OSBPL9: variants seen among roughly 807,000 people sequenced by gnomAD.
OSBPL9 encodes the protein oxysterol binding protein like 9.
OSBPL9 carries 40 observed loss-of-function variants against 106.6 expected under a neutral mutation model. The observed-to-expected ratio is 0.38, with a 90% CI of 0.29 to 0.49. The LOEUF is 0.49. Among genes scored for constraint, OSBPL9 ranks in the 20% least tolerant of loss-of-function variants. The pLI is 0.97. For missense variants in OSBPL9, 609 were observed against 887.2 expected (o/e 0.69, Z 3.98); for synonymous variants, 269 against 295.4 (o/e 0.91, Z 0.92).
chr1:51,543,771 G>A, the OSBPL9 span, among the ~76,000 whole-genome samples: 2 of 152,210 alleles, frequency 1.3e-5, no homozygotes, highest in East Asian at 3.8e-4. Context: ...AGAAACTGGA[G>A]CCAAGCTTTC....
chr1:51,751,592 A>G (rs577256581), intron 8 of OSBPL9, among the ~76,000 whole-genome samples: 11 of 152,306 alleles, frequency 7.2e-5, no homozygotes, highest in South Asian at 6.2e-4. Context: ...AGAAGCACCT[A>G]TAGTTATCCA....
intron 3 of OSBPL9, among the ~76,000 whole-genome samples, chr1:51,710,973 A>G (rs889184183): frequency 9.2e-5 from 14 of 151,440 alleles, no homozygotes; most frequent in African/African-American, 2.9e-4. Context: ...TGGGGTTCCA[A>G]TCACATGTGT....
At chr1:51,519,014 G>GGGCTCC in the OSBPL9 span, among the ~76,000 whole-genome samples, 1 of 151,342 alleles carries the variant, frequency 6.6e-6, no homozygotes, top group Non-Finnish European at 1.5e-5. Context: ...GGCCGCAGGG[G>GGGCTCC]GGCTCCGGCT....
At chr1:51,694,137 G>T (rs1655550490) in intron 3 of OSBPL9, among the ~76,000 whole-genome samples, 1 of 152,056 alleles carries the variant, frequency 6.6e-6, no homozygotes, top group Admixed American at 6.6e-5. Flanking sequence ...CTTTATGTGG[G>T]TTATATTTAT....
intron 1 of OSBPL9, among the ~76,000 whole-genome samples, chr1:51,627,121 A>G (rs921477982): frequency 2.6e-5 from 4 of 152,138 alleles, no homozygotes; most frequent in Non-Finnish European, 5.9e-5. Context: ...CTACCACCTC[A>G]GCCTCCTGAG....
intron 18 of OSBPL9, 71 bp downstream of exon 18, chr1:51,784,096 C>A: frequency 6.9e-7 from 1 of 1,448,782 alleles, no homozygotes; most frequent in Non-Finnish European, 9.7e-7. Context: ...GACTAGATGT[C>A]ATTGTTAGCA....
At chr1:51,546,603 A>G in the OSBPL9 span, among the ~76,000 whole-genome samples, 1 of 151,896 alleles carries the variant, frequency 6.6e-6, no homozygotes, top group African/African-American at 2.4e-5. Flanking sequence ...AGGCTGAGAC[A>G]GGAGAATGGC....
upstream of OSBPL9, among the ~76,000 whole-genome samples, chr1:51,613,082 A>T (rs1644000394): frequency 6.6e-6 from 1 of 152,228 alleles, no homozygotes; most frequent in East Asian, 1.9e-4. Context: ...GTTTCAATGG[A>T]ACAGATAATT....
At chr1:51,701,235 C>T (rs182676337) in intron 3 of OSBPL9, among the ~76,000 whole-genome samples, 2 of 152,296 alleles carry the variant, frequency 1.3e-5, no homozygotes, top group East Asian at 3.9e-4. Flanking sequence ...CCACCGCGCC[C>T]GGCCCATTGT....
chr1:51,662,532 G>A (rs1002425571), intron 2 of OSBPL9, among the ~76,000 whole-genome samples: 2 of 152,096 alleles, frequency 1.3e-5, no homozygotes, highest in African/African-American at 4.8e-5. Flanking sequence ...CCCGATGGCT[G>A]CTTTTGTTGT....
At chr1:51,704,779 C>T (rs1658073993) in intron 3 of OSBPL9, among the ~76,000 whole-genome samples, 2 of 152,156 alleles carry the variant, frequency 1.3e-5, no homozygotes, top group Admixed American at 6.5e-5. Context: ...GTCTCACCTC[C>T]TAATACTATG....
the OSBPL9 span, among the ~76,000 whole-genome samples, chr1:51,559,436 T>TACAC: frequency 8.2e-6 from 1 of 122,052 alleles, no homozygotes; most frequent in African/African-American, 3.6e-5. Context: ...GACACACACA[T>TACAC]ACATACACAC....
At chr1:51,784,968 T>C in intron 20 of OSBPL9, 9 of 200,706 alleles carry the variant, frequency 4.5e-5, no homozygotes, top group Non-Finnish European at 6.1e-5. Flanking sequence ...CAGCTATCCC[T>C]TTTTCTGTGC....
At chr1:51,628,690 T>TTC (rs1557605922) in intron 1 of OSBPL9, among the ~76,000 whole-genome samples, 1 of 147,110 alleles carries the variant, frequency 6.8e-6, no homozygotes, top group African/African-American at 2.5e-5. Flanking sequence ...TTTTCTTTTT[T>TTC]TTTTTTTTTT....
At chr1:51,708,396 G>A (rs1000794916) in intron 3 of OSBPL9, among the ~76,000 whole-genome samples, 2 of 151,118 alleles carry the variant, frequency 1.3e-5, no homozygotes, top group African/African-American at 4.9e-5. Context: ...GAAATATTCT[G>A]TGTTCTGCTT....
At chr1:51,566,523 G>C in the OSBPL9 span, 1 of 152,140 alleles carries the variant, frequency 6.6e-6, no homozygotes, top group Non-Finnish European at 1.5e-5. Context: ...AGAGTGTACA[G>C]GTGAGGGTCT....
At chr1:51,778,286 A>G (rs1675529574) in intron 15 of OSBPL9, among the ~76,000 whole-genome samples, 5 of 152,248 alleles carry the variant, frequency 3.3e-5, no homozygotes. Context: ...GGGCATGTAG[A>G]AAACCTATTA....
At chr1:51,669,344 T>C (rs1447276940) in intron 2 of OSBPL9, 90 bp from the exon 3 acceptor site, 5 of 1,034,164 alleles carry the variant, frequency 4.8e-6, no homozygotes, top group East Asian at 2.5e-5. Flanking sequence ...CCAGTGTCGT[T>C]GGTGCATTGA....
At chr1:51,671,056 A>C (rs1229737014) in intron 3 of OSBPL9, among the ~76,000 whole-genome samples, 4 of 152,216 alleles carry the variant, frequency 2.6e-5, no homozygotes, top group Non-Finnish European at 5.9e-5. Context: ...CTTATAAAAC[A>C]AGAAATATTC....
Sources: gnomAD v4.1 joint callset for allele counts (sites outside exome capture counted in the v4.1 genomes callset) on GRCh38, gnomAD v4.1.1 for gene constraint, MANE v1.5 for transcripts, NCBI Gene and HGNC (gene_info 2026-07-23, HGNC 2026-07-21) for gene names.